The following GRAMD1C variants were observed in gnomAD, a reference collection of about 807,000 sequenced individuals.
GRAMD1C encodes the protein protein Aster-C.
A neutral mutation model predicts 97.8 loss-of-function variants in GRAMD1C; 89 were observed. The observed-to-expected ratio is 0.91, with a 90% CI of 0.77 to 1.09. The LOEUF is 1.09. Among genes scored for constraint, GRAMD1C ranks in the 50% least tolerant of loss-of-function variants. The probability of loss-of-function intolerance (pLI) is 0.00; values close to 1 mark genes in which losing one functional copy is unlikely to be tolerated. For missense variants in GRAMD1C, 740 were observed against 766.4 expected (o/e 0.97, Z 0.41); for synonymous variants, 256 against 267.0 (o/e 0.96, Z 0.40).
chr3:113,864,186 C>T (rs970972324), intron 2 of GRAMD1C, among the ~76,000 whole-genome samples: 4 of 152,090 alleles, frequency 2.6e-5, no homozygotes, highest in Non-Finnish European at 4.4e-5. Flanking sequence ...GATCTTGGCT[C>T]ACTGCAACCT....
At chr3:113,938,005 CAAAA>C (rs5851908) in intron 14 of GRAMD1C, 77 bp from the exon 15 acceptor site, 363 of 508,112 alleles carry the variant, frequency 7.1e-4, no homozygotes, top group South Asian at 9.5e-4. Flanking sequence ...AACTCCTTCT[CAAAA>C]AAAAAAAAAA....
chr3:113,941,102 C>A (rs1182495386), intron 17 of GRAMD1C, among the ~76,000 whole-genome samples: 1 of 152,112 alleles, frequency 6.6e-6, no homozygotes, highest in African/African-American at 2.4e-5. Context: ...TTACTTCCTC[C>A]TTTTAATGGA....
intron 6 of GRAMD1C, among the ~76,000 whole-genome samples, chr3:113,884,770 C>A (rs1267363971): frequency 6.6e-6 from 1 of 151,196 alleles, no homozygotes; most frequent in African/African-American, 2.4e-5. Context: ...ACCCGGGAGG[C>A]GGAGCTTGCA....
chr3:113,935,446 G>A (rs972575153), intron 13 of GRAMD1C, among the ~76,000 whole-genome samples: 4 of 151,546 alleles, frequency 2.6e-5, no homozygotes, highest in Admixed American at 2.6e-4. Context: ...AAAACGATAC[G>A]GTGGTTCTCT....
chr3:113,872,052 T>C (rs1934837344), intron 3 of GRAMD1C, among the ~76,000 whole-genome samples: 1 of 152,192 alleles, frequency 6.6e-6, no homozygotes, highest in African/African-American at 2.4e-5. Context: ...CTCAGCTCAA[T>C]AAATATCATA....
intron 8 of GRAMD1C, 126 bp from the exon 9 acceptor site, chr3:113,908,832 C>T: frequency 1.7e-6 from 1 of 577,404 alleles, no homozygotes. Flanking sequence ...GCAAGTATAA[C>T]AAACAAAATG....
At chr3:113,916,932 C>G (rs1224161509) in intron 10 of GRAMD1C, among the ~76,000 whole-genome samples, 1 of 151,834 alleles carries the variant, frequency 6.6e-6, no homozygotes, top group African/African-American at 2.4e-5. Flanking sequence ...GTGAATTGCT[C>G]GAGCCCAGGA....
chr3:113,908,056 A>C (rs1936431108), intron 8 of GRAMD1C, among the ~76,000 whole-genome samples: 1 of 152,218 alleles, frequency 6.6e-6, no homozygotes, highest in Admixed American at 6.5e-5. Flanking sequence ...TTATTCTGCT[A>C]TCTGGGTGGC....
intron 5 of GRAMD1C, among the ~76,000 whole-genome samples, chr3:113,881,248 G>C (rs1026828563): frequency 2.6e-5 from 4 of 152,088 alleles, no homozygotes; most frequent in Non-Finnish European, 5.9e-5. Flanking sequence ...TCCGCCTCCC[G>C]GGTTCAAGCG....
chr3:113,889,833 TC>T (rs1935647707), intron 6 of GRAMD1C, among the ~76,000 whole-genome samples: 1 of 152,102 alleles, frequency 6.6e-6, no homozygotes, highest in Admixed American at 6.6e-5. Context: ...AGACAGGGTT[TC>T]TCCATGTTGG....
chr3:113,847,248 T>C (rs535093001), intron 2 of GRAMD1C, among the ~76,000 whole-genome samples: 36 of 152,348 alleles, frequency 2.4e-4, no homozygotes, highest in Non-Finnish European at 4.4e-4. Flanking sequence ...TCTTTCATCA[T>C]TCAAGTTTGT....
intron 10 of GRAMD1C, among the ~76,000 whole-genome samples, chr3:113,921,740 T>A (rs2107350358): frequency 6.6e-6 from 1 of 152,368 alleles, no homozygotes; most frequent in African/African-American, 2.4e-5. Flanking sequence ...ATATGCTTGC[T>A]GGCTAGATAT....
At position 113,936,247 on chromosome 3, in the gene GRAMD1C, T is replaced by G; in HGVS notation, c.1457-19T>G. On this transcript the variant is annotated intron_variant, in intron 13 of 17. Transcript: ENST00000358160. ...AGGAGCTTTCCTCACTATATAAAGA[T>G]TGTTTTTTTTTTTCTTAGAATCAGA... The G allele has an allele frequency of 7.0e-7, 1 of 1,437,990 alleles. No homozygotes were observed. The highest frequency in any genetic ancestry group is 9.7e-7 in the Non-Finnish European group (1 of 1,035,688). The allele number at this position is 1,437,990 out of a possible 1,614,324, so 89.1% of individuals were successfully genotyped here. A position where few individuals can be genotyped will look rare whatever the true frequency, so the allele number is the denominator to read the frequency against.
upstream of GRAMD1C, chr3:113,838,650 G>A (rs2108063796): frequency 1.9e-5 from 7 of 361,966 alleles, no homozygotes; most frequent in Middle Eastern, 3.6e-3. Flanking sequence ...TTCCTGGGAG[G>A]CACAGTAGTT....
At chr3:113,857,058 C>T (rs976672817) in intron 2 of GRAMD1C, among the ~76,000 whole-genome samples, 2 of 151,726 alleles carry the variant, frequency 1.3e-5, no homozygotes, top group Non-Finnish European at 2.9e-5. Context: ...AGGCTGGTCT[C>T]GAACTCCTGA....
intron 17 of GRAMD1C, among the ~76,000 whole-genome samples, chr3:113,943,787 G>A (rs764563650): frequency 3.7e-4 from 57 of 152,080 alleles, no homozygotes; most frequent in Admixed American, 5.9e-4. Flanking sequence ...GGTAGCAGGC[G>A]CCTGTAGTCC....
intron 15 of GRAMD1C, 61 bp downstream of exon 15, chr3:113,938,204 C>A (rs2107379603): frequency 1.3e-6 from 1 of 788,130 alleles, no homozygotes; most frequent in Non-Finnish European, 2.0e-6. Context: ...AACTAGTTTC[C>A]AAAAGAATTT....
At chr3:113,843,292 G>A (rs974775623) in intron 1 of GRAMD1C, among the ~76,000 whole-genome samples, 2 of 151,778 alleles carry the variant, frequency 1.3e-5, no homozygotes, top group African/African-American at 2.4e-5. Context: ...GCCCAGGCTG[G>A]TCTCAAACTC....
intron 6 of GRAMD1C, among the ~76,000 whole-genome samples, chr3:113,890,435 T>C (rs568069771): frequency 3.8e-4 from 58 of 152,342 alleles, no homozygotes; most frequent in African/African-American, 1.3e-3. Context: ...GAGCAATGCA[T>C]AGCTGTGTGC....
Sources: allele counts gnomAD v4.1 joint callset (sites outside exome capture counted in the v4.1 genomes callset), GRCh38; gene constraint gnomAD v4.1.1; transcripts MANE v1.5; gene names NCBI Gene and HGNC (gene_info 2026-07-23, HGNC 2026-07-21).